USP6: variants seen among roughly 807,000 people sequenced by gnomAD.
USP6 encodes ubiquitin carboxyl-terminal hydrolase 6.
USP6 carries 128 observed loss-of-function variants against 175.7 expected under a neutral mutation model. The observed-to-expected ratio is 0.73, with a 90% CI of 0.63 to 0.84. USP6 has a LOEUF of 0.84. Among genes scored for constraint, USP6 ranks in the 40% least tolerant of loss-of-function variants. The probability of loss-of-function intolerance (pLI) is 0.00; values close to 1 mark genes in which losing one functional copy is unlikely to be tolerated. For missense variants in USP6, 1,498 were observed against 1,760.3 expected (o/e 0.85, Z 2.67); for synonymous variants, 562 against 630.6 (o/e 0.89, Z 1.63).
At chr17:5,118,918 C>T (rs1357062052) in intron 2 of USP6, among the ~76,000 whole-genome samples, 2 of 152,136 alleles carry the variant, frequency 1.3e-5, no homozygotes, top group East Asian at 1.9e-4. Flanking sequence ...GAAAAGGCAA[C>T]ATTTGATTGG....
At position 5,116,152 on chromosome 17, in the gene USP6, GGC is replaced by G. The variant is rs1382272617; in HGVS notation, c.-2515_-2514del. ...TCCCCTCACTCGACGCTACCTTGGC[GGC>G]CGCGCCCATGCTGTCCCCGCTCCAA... On this transcript the variant is annotated 5_prime_UTR_variant, in exon 1 of 38. It removes the in-frame stop codon of an upstream open reading frame in the 5' UTR. Coordinates refer to ENST00000574788, the MANE Select transcript of USP6 (RefSeq NM_001304284.2). Among the ~76,000 whole-genome samples the G allele has an allele frequency of 1.2e-4, 18 of 152,346 alleles. No homozygotes were observed. Among genetic ancestry groups the G allele is most frequent in the African/African-American group, 4.1e-4 (17 of 41,580 alleles).
intron 13 of USP6, among the ~76,000 whole-genome samples, 190 bp from the exon 14 acceptor site, chr17:5,133,253 C>T (rs1455580632): frequency 6.6e-6 from 1 of 152,076 alleles, no homozygotes; most frequent in Non-Finnish European, 1.5e-5. Context: ...GGAAAAGGTT[C>T]GGATCAGAGT....
At position 5,171,648 on chromosome 17, in the gene USP6, A is replaced by T. The variant is rs751867182; in HGVS notation, c.4016A>T (p.Lys1339Met). ...ACTTATGCCAAAAACCCAAACTGCAAGTGGTACTGTTATAATGACAGCAGC... is the reference window on the plus strand; with the variant it reads ...ACTTATGCCAAAAACCCAAACTGCATGTGGTACTGTTATAATGACAGCAGC... ...YITYAKNPNC[K>M]WYCYNDSSCE... The change falls in exon 37 of 38, where the codon AAG (lysine) becomes ATG (methionine). Residue 1339 changes from lysine (K) to methionine (M), a missense_variant. This residue lies in a region of USP6 where 1,217 missense variants were observed against 1,500.8 expected (regional missense o/e 0.81). Coordinates refer to ENST00000574788, the MANE Select transcript of USP6 (RefSeq NM_001304284.2). 1 of 1,613,892 alleles carries T rather than the reference A, an allele frequency of 6.2e-7. No individual in the cohort carries two copies. The highest frequency in any genetic ancestry group is 2.2e-5 in the East Asian group (1 of 44,862).
At chr17:5,161,738 G>A in intron 32 of USP6, 124 bp downstream of exon 32, 1 of 1,124,156 alleles carries the variant, frequency 8.9e-7, no homozygotes, top group Middle Eastern at 2.3e-4. Context: ...AACTGTGGCT[G>A]GGCACCATGG....
At chr17:5,117,058 A>AC (rs1343915731) in intron 1 of USP6, among the ~76,000 whole-genome samples, 1 of 151,922 alleles carries the variant, frequency 6.6e-6, no homozygotes, top group Non-Finnish European at 1.5e-5. Flanking sequence ...GCTAGGTGAG[A>AC]CTCCCCACTG....
chr17:5,120,443 C>T (rs1284544189), intron 2 of USP6, among the ~76,000 whole-genome samples, 184 bp from the exon 3 acceptor site: 1 of 152,120 alleles, frequency 6.6e-6, no homozygotes, highest in Non-Finnish European at 1.5e-5. Flanking sequence ...ATATTCATAG[C>T]CCTGTATGTT....
At chr17:5,164,674 G>T (rs1041708936) in intron 33 of USP6, among the ~76,000 whole-genome samples, 1 of 152,230 alleles carries the variant, frequency 6.6e-6, no homozygotes, top group African/African-American at 2.4e-5. Context: ...CCATGGAAAC[G>T]AAGGGCTGTT....
intron 31 of USP6, among the ~76,000 whole-genome samples, chr17:5,156,817 G>A (rs540165006): frequency 2.0e-4 from 30 of 148,580 alleles, no homozygotes; most frequent in Admixed American, 6.7e-4. Flanking sequence ...TGCAAACTCC[G>A]CCTCCAGGTT....
chr17:5,135,991 G>T, intron 17 of USP6, 63 bp downstream of exon 17: 1 of 1,595,956 alleles, frequency 6.3e-7, no homozygotes, highest in East Asian at 2.2e-5. Flanking sequence ...CTGTGGCCAG[G>T]TGATCTCGGC....
Position 5,137,725 on chromosome 17 carries a change from C to G in USP6, c.900C>G (p.Thr300=). ...VEGEQVLMPI[T]SIALKVQQKR... is the part of the protein sequence containing the mutation. ...GAGAACAGGTGTTGATGCCAATAAC[C>G]AGCATTGCTCTTAAGGTTCAGCAGA... The change falls in exon 20 of 38, where the codon ACC becomes ACG. Residue 300 remains threonine, a synonymous_variant. Coordinates refer to ENST00000574788, the MANE Select transcript of USP6 (RefSeq NM_001304284.2). 1.2e-6 allele frequency: 2 copies of G among 1,608,856 alleles called. No homozygotes were observed. The highest frequency in any genetic ancestry group is 1.7e-6 in the Non-Finnish European group (2 of 1,176,458).
intron 27 of USP6, 95 bp downstream of exon 27, chr17:5,145,674 A>T: frequency 7.0e-7 from 1 of 1,431,348 alleles, no homozygotes; most frequent in Non-Finnish European, 9.2e-7. Flanking sequence ...GTTTACAAAT[A>T]AAGACTGGTA....
chr17:5,149,497 T>G (rs1463856457), intron 30 of USP6, among the ~76,000 whole-genome samples: 1 of 152,052 alleles, frequency 6.6e-6, no homozygotes, highest in South Asian at 2.1e-4. Context: ...AGCTATAATA[T>G]GCTATGATGC....
chr17:5,132,764 C>T lies in USP6; in HGVS notation c.196-146C>T, dbSNP rs2073114706. 1.8e-5 allele frequency: 19 copies of T among 1,084,764 alleles called. No individual in the cohort carries two copies. In the South Asian group the frequency reaches 2.3e-4, roughly 13 times the overall value. The allele number at this position is 1,084,764 out of a possible 1,614,324, so 67.2% of individuals were successfully genotyped here. A position where few individuals can be genotyped will look rare whatever the true frequency, so the allele number is the denominator to read the frequency against. ...GCCAGCCCATTGGTGCTCATTTGCTCAAAGGCTCTCAGCCCTTAGGGTCTG... is the reference window on the plus strand; with the variant it reads ...GCCAGCCCATTGGTGCTCATTTGCTTAAAGGCTCTCAGCCCTTAGGGTCTG... On this transcript the variant is annotated intron_variant, in intron 12 of 37. Coordinates refer to ENST00000574788, the MANE Select transcript of USP6 (RefSeq NM_001304284.2). The surrounding 1 kb of genome is among the most constrained non-coding windows in gnomAD (Gnocchi z 4.7).
At chr17:5,117,108 A>G (rs973155098) in intron 1 of USP6, among the ~76,000 whole-genome samples, 2 of 152,232 alleles carry the variant, frequency 1.3e-5, no homozygotes, top group Non-Finnish European at 2.9e-5. Context: ...TTATGGTTGC[A>G]ACTTTATTAA....
At chr17:5,158,844 A>T (rs981748624) in intron 31 of USP6, among the ~76,000 whole-genome samples, 3 of 152,194 alleles carry the variant, frequency 2.0e-5, no homozygotes, top group African/African-American at 7.2e-5. Flanking sequence ...GTATAGATAA[A>T]GGAGTAGAGA....
intron 33 of USP6, 95 bp from the exon 34 acceptor site, chr17:5,167,837 A>G: frequency 7.0e-7 from 1 of 1,429,418 alleles, no homozygotes; most frequent in Non-Finnish European, 9.5e-7. Context: ...AAAGAGTAAA[A>G]TAAGGGTGAG....
At position 5,121,541 on chromosome 17, in the gene USP6, C is replaced by A; in HGVS notation, c.-1508C>A. The A allele has an allele frequency of 5.5e-6, 1 of 182,052 alleles. No homozygotes were observed. Among genetic ancestry groups the A allele is most frequent in the Non-Finnish European group, 1.2e-5 (1 of 86,792 alleles). The allele number at this position is 182,052 out of a possible 1,614,324, so 11.3% of individuals were successfully genotyped here. A position where few individuals can be genotyped will look rare whatever the true frequency, so the allele number is the denominator to read the frequency against. On this transcript the variant is annotated 5_prime_UTR_variant, in exon 4 of 38. Transcript: ENST00000574788. ...TGTACCTATCACCCCAGGGTGAGCC[C>A]AGCCTTATAGACCCCTGCTTGGAGG...
In USP6 at chr17:5,125,810, T is replaced by C. The variant is rs537320025; in HGVS notation, c.-591-11T>C. 3 of 152,374 alleles carry C rather than the reference T, an allele frequency of 2.0e-5. No homozygotes were observed. Among genetic ancestry groups the C allele is most frequent in the African/African-American group, 4.8e-5 (2 of 41,552 alleles). The allele number at this position is 152,374 out of a possible 1,614,324, so 9.4% of individuals were successfully genotyped here. Reference sequence around the variant, plus strand: ...GTTTTTTTGAGATGGAATTTCACTCTTGTTGCCTAGGCTGGAGTGCAATGG... The same window carrying C: ...GTTTTTTTGAGATGGAATTTCACTCCTGTTGCCTAGGCTGGAGTGCAATGG... On this transcript the variant is annotated splice_polypyrimidine_tract_variant and intron_variant, in intron 5 of 37. Transcript: ENST00000574788.
rs1821720 is a variant in USP6, at chr17:5,140,105, G to A, written c.1498+431G>A. ...GTTCTGAATTCTGACAACACCATGA[G>A]CCTGTCTTTAAACTCATGGAAGGAT... On this transcript the variant is annotated intron_variant, in intron 22 of 37. Coordinates refer to ENST00000574788, the MANE Select transcript of USP6 (RefSeq NM_001304284.2). Among the ~76,000 whole-genome samples the A allele has an allele frequency of 5.5e-3, 839 of 151,838 alleles. 7 individuals carry two copies. Among genetic ancestry groups the A allele is most frequent in the African/African-American group, 0.019 (773 of 41,366 alleles).
Sources: gnomAD v4.1 joint callset for allele counts (sites outside exome capture counted in the v4.1 genomes callset) on GRCh38, gnomAD v4.1.1 for gene constraint, gnomAD v4.1.1 regional missense constraint, Gnocchi (gnomAD v3.1) non-coding constraint, MANE v1.5 for transcripts, NCBI Gene and HGNC (gene_info 2026-07-23, HGNC 2026-07-21) for gene names.